Variants in CTNNA3 observed in about 807,000 individuals in gnomAD.
CTNNA3 encodes the protein catenin alpha-3.
Under a neutral mutation model 95.7 loss-of-function variants are expected in CTNNA3, and 76 were observed. The ratio of observed to expected loss-of-function variants is 0.79; its 90% CI spans 0.66 to 0.96. The LOEUF (loss-of-function observed/expected upper bound fraction) is 0.96. Among genes scored for constraint, CTNNA3 ranks in the 40% least tolerant of loss-of-function variants. The pLI is 0.00. For missense variants in CTNNA3, 1,191 were observed against 1,089.8 expected (o/e 1.09, Z -1.31); for synonymous variants, 431 against 374.4 (o/e 1.15, Z -1.74).
At chr10:66,385,822 C>A (rs1047107897) in intron 11 of CTNNA3, among the ~76,000 whole-genome samples, 2 of 152,132 alleles carry the variant, frequency 1.3e-5, no homozygotes, top group African/African-American at 4.8e-5. Context: ...ATCACATAAA[C>A]AAAATCAACA....
At chr10:66,786,898 C>G (rs1341777871) in intron 7 of CTNNA3, among the ~76,000 whole-genome samples, 4 of 152,140 alleles carry the variant, frequency 2.6e-5, no homozygotes, top group Non-Finnish European at 5.9e-5. Flanking sequence ...AGGAGGACAA[C>G]CTAAGGGCAA....
intron 6 of CTNNA3, among the ~76,000 whole-genome samples, chr10:67,180,949 T>C (rs73262220): frequency 0.022 from 3,296 of 152,280 alleles, 91 homozygotes; most frequent in African/African-American, 0.072. Flanking sequence ...TATACAATAT[T>C]TTCATGTATC....
chr10:67,393,628 G>A (rs1490044735), intron 5 of CTNNA3, among the ~76,000 whole-genome samples: 1 of 152,042 alleles, frequency 6.6e-6, no homozygotes, highest in African/African-American at 2.4e-5. Context: ...TGAGTTTAGA[G>A]ATCTTAATTT....
intron 11 of CTNNA3, among the ~76,000 whole-genome samples, chr10:66,499,895 C>T (rs112902806): frequency 0.019 from 2,873 of 151,646 alleles, 76 homozygotes; most frequent in African/African-American, 0.066. Context: ...ATCTGCCTCC[C>T]GGCTTCAAGC....
intron 7 of CTNNA3, among the ~76,000 whole-genome samples, chr10:66,861,527 C>A (rs1430246832): frequency 6.6e-6 from 1 of 152,106 alleles, no homozygotes; most frequent in Non-Finnish European, 1.5e-5. Context: ...ACACTCCAGC[C>A]ATCTCAGACC....
At chr10:66,874,951 CTTTAGCCAAGGT>C (rs1411116339) in intron 7 of CTNNA3, among the ~76,000 whole-genome samples, 2 of 152,132 alleles carry the variant, frequency 1.3e-5, no homozygotes, top group Admixed American at 1.3e-4. Context: ...GGAAGAAATA[CTTTAGCCAAGGT>C]TCACGCAAAC....
chr10:66,950,468 T>G (rs890619757), intron 7 of CTNNA3, among the ~76,000 whole-genome samples: 3 of 152,134 alleles, frequency 2.0e-5, no homozygotes, highest in African/African-American at 7.2e-5. Flanking sequence ...GTCACACTTG[T>G]GAGAGTCTCA....
rs1270603907 is a variant in CTNNA3, at chr10:66,332,439, G to T, written c.1732+46713C>A. ...ATTTATTGAGAGTTTTTAGCATGAA[G>T]GGTGTAGATTTTGTCAAAGGCCTTT... is the stretch of plus-strand genomic sequence containing the variant. On this transcript the variant is annotated intron_variant, in intron 12 of 17. Coordinates refer to ENST00000433211, the MANE Select transcript of CTNNA3 (RefSeq NM_013266.4). Among the ~76,000 whole-genome samples the T allele has an allele frequency of 3.7e-5, 5 of 134,246 alleles. No homozygotes were observed. The South Asian group carries it at 1.2e-3, about 33-fold the overall frequency. 88.1% of individuals were successfully genotyped at this position (134,246 alleles called of 152,430 possible).
intron 7 of CTNNA3, among the ~76,000 whole-genome samples, chr10:66,983,533 T>C (rs939934250): frequency 1.1e-4 from 17 of 150,892 alleles, no homozygotes; most frequent in African/African-American, 4.0e-4. Flanking sequence ...CCACTGCCAT[T>C]TTCTTCCCAA....
Position 66,387,659 on chromosome 10 carries a change from T to G in CTNNA3, c.1532-8307A>C, listed in dbSNP as rs550190317. Among the ~76,000 whole-genome samples, 126 of 152,224 alleles carry G rather than the reference T, an allele frequency of 8.3e-4. 1 individual carries two copies. The highest frequency in any genetic ancestry group is 1.3e-3 in the Non-Finnish European group (90 of 68,002). On this transcript the variant is annotated intron_variant, in intron 11 of 17. Coordinates refer to ENST00000433211, the MANE Select transcript of CTNNA3 (RefSeq NM_013266.4). ...ACACATGCACACGTATGTTTATTGC[T>G]GCACTATTCACAATAGCAAAGACTT... is the stretch of plus-strand genomic sequence containing the variant.
At chr10:66,268,228 C>A (rs2091201374) in intron 13 of CTNNA3, among the ~76,000 whole-genome samples, 1 of 152,066 alleles carries the variant, frequency 6.6e-6, no homozygotes, top group Non-Finnish European at 1.5e-5. Context: ...TACACTCTTT[C>A]CATTGAAAGA....
chr10:66,182,065 C>CAA (rs1164804731), intron 13 of CTNNA3, among the ~76,000 whole-genome samples: 1 of 152,120 alleles, frequency 6.6e-6, no homozygotes, highest in Admixed American at 6.5e-5. Context: ...GATATCCTAA[C>CAA]AAGTATTTGT....
chr10:67,392,188 T>A (rs1335471500), intron 5 of CTNNA3, among the ~76,000 whole-genome samples: 1 of 151,958 alleles, frequency 6.6e-6, no homozygotes, highest in Non-Finnish European at 1.5e-5. Flanking sequence ...GAATCTACAG[T>A]GAACTCAAAT....
chr10:66,573,646 T>C (rs763015535), intron 10 of CTNNA3, among the ~76,000 whole-genome samples: 4 of 152,178 alleles, frequency 2.6e-5, no homozygotes, highest in Non-Finnish European at 4.4e-5. Context: ...AAGATGAATA[T>C]GAGCAGAAAT....
intron 11 of CTNNA3, among the ~76,000 whole-genome samples, chr10:66,456,214 A>AAGCTATAAACC (rs1268442184): frequency 6.6e-6 from 1 of 152,206 alleles, no homozygotes; most frequent in Non-Finnish European, 1.5e-5. Flanking sequence ...ATTCAAAGGA[A>AAGCTATAAACC]TTATCATAGC....
At chr10:66,568,597 G>C (rs1842780835) in intron 10 of CTNNA3, among the ~76,000 whole-genome samples, 1 of 151,908 alleles carries the variant, frequency 6.6e-6, no homozygotes, top group Non-Finnish European at 1.5e-5. Flanking sequence ...CTCAGAATTG[G>C]GTTCACCACC....
chr10:66,642,017 A>G (rs182253766), intron 9 of CTNNA3, among the ~76,000 whole-genome samples: 32 of 152,210 alleles, frequency 2.1e-4, no homozygotes, highest in East Asian at 1.9e-3. Context: ...TCTTCTGTGC[A>G]AAAGAACCAT....
intron 14 of CTNNA3, among the ~76,000 whole-genome samples, chr10:66,102,383 T>G (rs149623201): frequency 6.6e-6 from 1 of 152,148 alleles, no homozygotes; most frequent in Non-Finnish European, 1.5e-5. Flanking sequence ...AATCCTCATA[T>G]GAAGGATACT....
intron 13 of CTNNA3, among the ~76,000 whole-genome samples, chr10:66,183,241 T>G (rs2086147229): frequency 6.6e-6 from 1 of 151,842 alleles, no homozygotes; most frequent in South Asian, 2.1e-4. Flanking sequence ...TAAAGTTTTA[T>G]TGTAAATAAA....
Sources: gnomAD v4.1 joint callset for allele counts (sites outside exome capture counted in the v4.1 genomes callset) on GRCh38, gnomAD v4.1.1 for gene constraint, MANE v1.5 for transcripts, NCBI Gene and HGNC (gene_info 2026-07-23, HGNC 2026-07-21) for gene names.